The following EIF4G3 variants were observed in gnomAD, a reference collection of about 807,000 sequenced individuals.
The protein encoded by EIF4G3 is eukaryotic translation initiation factor 4 gamma 3.
EIF4G3 carries 34 observed loss-of-function variants against 186.4 expected under a neutral mutation model. The ratio of observed to expected loss-of-function variants is 0.18; its 90% CI spans 0.14 to 0.24. The LOEUF is 0.24. Ranked by LOEUF, EIF4G3 falls within the 10% of genes least tolerant of loss-of-function variation. The pLI is 1.00. For missense variants in EIF4G3, 1,536 were observed against 1,948.5 expected (o/e 0.79, Z 3.99); for synonymous variants, 673 against 679.5 (o/e 0.99, Z 0.15).
intron 25 of EIF4G3, among the ~76,000 whole-genome samples, chr1:20,857,025 T>G (rs937228373): frequency 6.6e-6 from 1 of 151,708 alleles, no homozygotes; most frequent in African/African-American, 2.4e-5. Context: ...TAGCCGGGTG[T>G]GGTGACGGGC....
chr1:20,877,040 G>A (rs1403227904), intron 20 of EIF4G3, among the ~76,000 whole-genome samples: 4 of 152,124 alleles, frequency 2.6e-5, no homozygotes, highest in African/African-American at 9.7e-5. Flanking sequence ...ATAAGTGGGT[G>A]GCTTGTCTAT....
chr1:21,012,124 C>T (rs973735008), intron 4 of EIF4G3, among the ~76,000 whole-genome samples: 1 of 152,072 alleles, frequency 6.6e-6, no homozygotes, highest in Non-Finnish European at 1.5e-5. Flanking sequence ...TTACCTCTTG[C>T]TATTTAATTA....
At chr1:20,966,380 AT>A (rs2074662592) in intron 12 of EIF4G3, among the ~76,000 whole-genome samples, 1 of 152,110 alleles carries the variant, frequency 6.6e-6, no homozygotes, top group African/African-American at 2.4e-5. Context: ...GCAGATTGCT[AT>A]TTTGTTAAGG....
At chr1:21,117,975 A>T (rs888278673) in intron 2 of EIF4G3, among the ~76,000 whole-genome samples, 1 of 152,136 alleles carries the variant, frequency 6.6e-6, no homozygotes, top group African/African-American at 2.4e-5. Flanking sequence ...AATTCCAGGA[A>T]TTGCATTTTT....
chr1:21,056,347 T>C (rs1015952263), intron 3 of EIF4G3, among the ~76,000 whole-genome samples: 1 of 152,210 alleles, frequency 6.6e-6, no homozygotes, highest in African/African-American at 2.4e-5. Flanking sequence ...ATCTCTCAGC[T>C]TCACTGTGCT....
chr1:21,144,103 T>G (rs1488484135), intron 2 of EIF4G3, among the ~76,000 whole-genome samples: 1 of 152,132 alleles, frequency 6.6e-6, no homozygotes, highest in Non-Finnish European at 1.5e-5. Context: ...TGGCTTCTAT[T>G]TTTTTGGTGC....
intron 2 of EIF4G3, among the ~76,000 whole-genome samples, chr1:21,156,345 T>G (rs562517379): frequency 9.2e-5 from 14 of 152,290 alleles, no homozygotes; most frequent in African/African-American, 3.4e-4. Flanking sequence ...AACCAGACAC[T>G]GCATAGACTA....
chr1:20,854,754 TTAAA>T (rs2154550960), intron 26 of EIF4G3, among the ~76,000 whole-genome samples: 1 of 149,950 alleles, frequency 6.7e-6, no homozygotes, highest in South Asian at 2.1e-4. Context: ...AAGGTCTTAA[TTAAA>T]TAGTCTAAAT....
intron 27 of EIF4G3, among the ~76,000 whole-genome samples, chr1:20,851,896 T>C (rs2073392636): frequency 6.6e-6 from 1 of 152,042 alleles, no homozygotes; most frequent in East Asian, 1.9e-4. Context: ...CGGGTGCCTG[T>C]AATCCCAGCT....
intron 30 of EIF4G3, among the ~76,000 whole-genome samples, chr1:20,831,370 G>C (rs920403088): frequency 2.0e-5 from 3 of 147,210 alleles, no homozygotes; most frequent in African/African-American, 7.5e-5. Flanking sequence ...TTTTCCTGTA[G>C]TACCTTAGAA....
intron 3 of EIF4G3, chr1:21,064,745 A>T (rs2095139971): frequency 6.6e-6 from 1 of 152,218 alleles, no homozygotes; most frequent in Admixed American, 6.5e-5. Context: ...CAAGCATAAC[A>T]AATTAACTCC....
chr1:21,045,995 T>C (rs1346683720), intron 4 of EIF4G3, among the ~76,000 whole-genome samples: 1 of 152,146 alleles, frequency 6.6e-6, no homozygotes, highest in South Asian at 2.1e-4. Context: ...GGAACTTCCA[T>C]AGGTTAAATT....
intron 14 of EIF4G3, among the ~76,000 whole-genome samples, chr1:20,909,634 T>G (rs2092854228): frequency 6.6e-6 from 1 of 152,182 alleles, no homozygotes; most frequent in African/African-American, 2.4e-5. Context: ...CTATTTAGTT[T>G]TATACTGTTT....
At chr1:20,836,303 A>T (rs2066746574) in intron 30 of EIF4G3, among the ~76,000 whole-genome samples, 1 of 151,978 alleles carries the variant, frequency 6.6e-6, no homozygotes, top group Admixed American at 6.6e-5. Flanking sequence ...GGGTGCAGTG[A>T]TGCTCTCGCA....
intron 23 of EIF4G3, among the ~76,000 whole-genome samples, chr1:20,861,003 T>C (rs1007564279): frequency 6.6e-6 from 1 of 152,200 alleles, no homozygotes; most frequent in African/African-American, 2.4e-5. Flanking sequence ...TCCAATATCA[T>C]GGTTCTGATA....
intron 19 of EIF4G3, 62 bp downstream of exon 19, chr1:20,886,139 A>G: frequency 1.3e-6 from 2 of 1,525,544 alleles, no homozygotes; most frequent in African/African-American, 2.8e-5. Context: ...AGCAAAGCAA[A>G]ATAAGTTAAA....
Position 21,053,898 on chromosome 1 carries a change from G to A in EIF4G3, c.-195-2904C>T, listed in dbSNP as rs575492996. On this transcript the variant is annotated intron_variant, in intron 3 of 36. Transcript: ENST00000602326. ...CCGCCCCGTCTGCGAGGTGAGGGGC[G>A]CCTCTGCCCGGCCGCCCCTACTGGG... Among the ~76,000 whole-genome samples, 881 of 148,962 alleles carry A rather than the reference G, an allele frequency of 5.9e-3. 12 individuals carry two copies. The highest frequency in any genetic ancestry group is 0.021 in the African/African-American group (840 of 40,484).
chr1:20,994,929 G>GC (rs2081966643), intron 7 of EIF4G3, among the ~76,000 whole-genome samples: 1 of 152,044 alleles, frequency 6.6e-6, no homozygotes, highest in East Asian at 1.9e-4. Context: ...ATCAAACACC[G>GC]CATCCAGCTT....
intron 3 of EIF4G3, among the ~76,000 whole-genome samples, chr1:21,058,323 C>A (rs1332599133): frequency 6.6e-6 from 1 of 152,092 alleles, no homozygotes; most frequent in Non-Finnish European, 1.5e-5. Context: ...TACTGGCATG[C>A]AGGAATTCCA....
Sources: gnomAD v4.1 joint callset for allele counts (sites outside exome capture counted in the v4.1 genomes callset) on GRCh38, gnomAD v4.1.1 for gene constraint, MANE v1.5 for transcripts, NCBI Gene and HGNC (gene_info 2026-07-23, HGNC 2026-07-21) for gene names.